Variants in SH3KBP1 observed in about 807,000 individuals in gnomAD.
The protein encoded by SH3KBP1 is SH3 domain containing kinase binding protein 1, also known as SH3 domain-containing kinase-binding protein 1.
SH3KBP1 carries 8 observed loss-of-function variants against 50.1 expected under a neutral mutation model. That is an observed-to-expected ratio of 0.16 (90% CI 0.09 to 0.29). SH3KBP1 has a LOEUF of 0.29. Ranked by LOEUF, SH3KBP1 falls within the 10% of genes least tolerant of loss-of-function variation. The probability of loss-of-function intolerance (pLI) is 1.00; values close to 1 mark genes in which losing one functional copy is unlikely to be tolerated. For missense variants in SH3KBP1, 377 were observed against 535.2 expected (o/e 0.70, Z 2.92); for synonymous variants, 227 against 218.6 (o/e 1.04, Z -0.34).
At chrX:19,574,071 A>T (rs2066123418) in intron 12 of SH3KBP1, among the ~76,000 whole-genome samples, 1 of 111,156 alleles carries the variant, frequency 9.0e-6, no homozygotes, top group South Asian at 3.9e-4. Flanking sequence ...GGGACATTTC[A>T]TCATCTCCTT....
intron 2 of SH3KBP1, among the ~76,000 whole-genome samples, chrX:19,799,008 G>A (rs2066809821): frequency 1.8e-5 from 2 of 111,654 alleles, no homozygotes; most frequent in Non-Finnish European, 3.8e-5. Flanking sequence ...AACCTCTCCC[G>A]ACACCTCAGT....
intron 6 of SH3KBP1, among the ~76,000 whole-genome samples, chrX:19,682,462 G>A (rs906877594): frequency 1.2e-4 from 13 of 108,855 alleles, no homozygotes; most frequent in Non-Finnish European, 2.3e-4. Context: ...GTCAATGGTC[G>A]TTTTCACTTC....
At chrX:19,820,243 C>A (rs1450973719) in intron 2 of SH3KBP1, among the ~76,000 whole-genome samples, 1 of 112,096 alleles carries the variant, frequency 8.9e-6, no homozygotes, top group Non-Finnish European at 1.9e-5. Context: ...TTATGTTGTT[C>A]AGGCCTTCTA....
At chrX:19,554,276 TATC>T (rs1171188773) in intron 13 of SH3KBP1, among the ~76,000 whole-genome samples, 6 of 86,579 alleles carry the variant, frequency 6.9e-5, no homozygotes, top group Non-Finnish European at 1.0e-4. Flanking sequence ...TTAAAATATA[TATC>T]ATATTAAAAT....
At chrX:19,659,430 T>G (rs1347210274) in intron 6 of SH3KBP1, among the ~76,000 whole-genome samples, 1 of 100,166 alleles carries the variant, frequency 1.0e-5, no homozygotes, top group Non-Finnish European at 2.0e-5. Flanking sequence ...CCCAGCTAAT[T>G]TTTAATTTTT....
intron 1 of SH3KBP1, among the ~76,000 whole-genome samples, chrX:19,852,984 G>A (rs1445644534): frequency 8.9e-6 from 1 of 112,472 alleles, no homozygotes; most frequent in East Asian, 2.8e-4. Flanking sequence ...GTACACAAGC[G>A]AGTTGACGCC....
intron 2 of SH3KBP1, among the ~76,000 whole-genome samples, chrX:19,792,367 G>A (rs977407134): frequency 2.7e-5 from 3 of 111,095 alleles, no homozygotes; most frequent in Non-Finnish European, 5.7e-5. Context: ...TGGTTATCTC[G>A]GCAGTAGGAT....
intron 2 of SH3KBP1, among the ~76,000 whole-genome samples, chrX:19,791,281 T>G (rs2066520079): frequency 9.0e-6 from 1 of 111,319 alleles, no homozygotes; most frequent in African/African-American, 3.3e-5. Context: ...GGACATAAAC[T>G]CTTAACCCAA....
chrX:19,798,339 G>A (rs1473634987), intron 2 of SH3KBP1, among the ~76,000 whole-genome samples: 3 of 110,326 alleles, frequency 2.7e-5, no homozygotes, highest in East Asian at 5.7e-4. Flanking sequence ...CTCCTGCCTC[G>A]GCCTCCCAAA....
intron 3 of SH3KBP1, among the ~76,000 whole-genome samples, chrX:19,732,664 T>A (rs1310562948): frequency 9.2e-6 from 1 of 108,306 alleles, no homozygotes; most frequent in African/African-American, 3.4e-5. Context: ...AAGGAATTTT[T>A]GTTTCTAAAA....
chrX:19,537,820 A>G (rs2036337430), intron 16 of SH3KBP1, 40 bp from the exon 17 acceptor site: 2 of 1,077,874 alleles, frequency 1.9e-6, no homozygotes, highest in African/African-American at 3.7e-5. Context: ...AAAATCCCAG[A>G]CTTCCTTCAT....
chrX:19,670,111 T>C (rs1278676196), intron 6 of SH3KBP1, among the ~76,000 whole-genome samples: 2 of 111,172 alleles, frequency 1.8e-5, no homozygotes, highest in East Asian at 2.8e-4. Flanking sequence ...TGCTTTTAGG[T>C]AGACAAATAT....
rs113501163 is a variant in SH3KBP1 at position 19,541,781 on chromosome X, C to T, written c.1892+144G>A. 207 of 637,275 alleles carry T rather than the reference C, an allele frequency of 3.2e-4. No individual in the cohort carries two copies. The African/African-American group carries it at 3.8e-3, about 12-fold the overall frequency. The allele number at this position is 637,275 out of a possible 1,213,427, so 52.5% of individuals were successfully genotyped here. ...TAAATTAAGACTCTCGGGGTCTACA[C>T]GCACTCCCACCATTGCTGCCACCAT... On this transcript the variant is annotated intron_variant, in intron 16 of 17. Transcript: ENST00000397821.
intron 3 of SH3KBP1, among the ~76,000 whole-genome samples, chrX:19,744,986 C>T (rs2064875278): frequency 1.8e-5 from 2 of 112,275 alleles, no homozygotes; most frequent in Non-Finnish European, 3.8e-5. Flanking sequence ...GTGCAATTGC[C>T]GTGCCCGCGG....
chrX:19,787,126 C>T (rs778968936), intron 2 of SH3KBP1, among the ~76,000 whole-genome samples: 2 of 111,745 alleles, frequency 1.8e-5, no homozygotes, highest in East Asian at 2.8e-4. Flanking sequence ...CAGCCCAAGC[C>T]TAACTAAGTT....
At chrX:19,636,687 C>G (rs996636518) in intron 7 of SH3KBP1, among the ~76,000 whole-genome samples, 1 of 111,810 alleles carries the variant, frequency 8.9e-6, no homozygotes, top group Non-Finnish European at 1.9e-5. Context: ...AACAAACCAA[C>G]TTCAAACAAA....
At chrX:19,556,518 A>G (rs1271993730) in intron 13 of SH3KBP1, among the ~76,000 whole-genome samples, 1 of 111,643 alleles carries the variant, frequency 9.0e-6, no homozygotes, top group Admixed American at 9.5e-5. Flanking sequence ...TCACTAACTG[A>G]AATGATTAGC....
intron 10 of SH3KBP1, among the ~76,000 whole-genome samples, chrX:19,594,095 T>A (rs1387935223): frequency 8.9e-6 from 1 of 112,487 alleles, no homozygotes; most frequent in African/African-American, 3.2e-5. Context: ...TAAACCAATC[T>A]TGAAATTTAT....
chrX:19,826,562 A>C (rs950098579), intron 2 of SH3KBP1, among the ~76,000 whole-genome samples: 1 of 110,857 alleles, frequency 9.0e-6, no homozygotes, highest in Non-Finnish European at 1.9e-5. Context: ...ACATGTGTAT[A>C]GTCCCAGTTA....
Sources: allele counts gnomAD v4.1 joint callset (sites outside exome capture counted in the v4.1 genomes callset), GRCh38; gene constraint gnomAD v4.1.1; transcripts MANE v1.5; gene names NCBI Gene and HGNC (gene_info 2026-07-23, HGNC 2026-07-21).